Variants in PKD1L1 observed in about 807,000 individuals in gnomAD.
The protein encoded by PKD1L1 is polycystin-1-like protein 1.
In PKD1L1, 236 loss-of-function variants were observed where a neutral mutation model predicts 323.4. That is an observed-to-expected ratio of 0.73 (90% CI 0.66 to 0.81). The LOEUF (loss-of-function observed/expected upper bound fraction) is 0.81, where lower values mean the gene tolerates loss of function less well. Among genes scored for constraint, PKD1L1 ranks in the 40% least tolerant of loss-of-function variants. The pLI is 0.00. For missense variants in PKD1L1, 3,320 were observed against 3,508.0 expected (o/e 0.95, Z 1.35); for synonymous variants, 1,344 against 1,335.0 (o/e 1.01, Z -0.15).
chr7:47,904,824 TTTAA>T (rs1198471391), intron 11 of PKD1L1, among the ~76,000 whole-genome samples: 1 of 152,196 alleles, frequency 6.6e-6, no homozygotes, highest in African/African-American at 2.4e-5. Flanking sequence ...CTCTTCATTA[TTTAA>T]TTCATTTCTC....
In PKD1L1 at chr7:47,908,120, T is replaced by A; in HGVS notation, c.1359A>T (p.Glu453Asp). Residue 453 changes from glutamate to aspartate, a missense_variant, in exon 9 of 57, where the codon GAA (glutamate) becomes GAT (aspartate). By Grantham distance (45) the Glu-to-Asp change is conservative. Transcript: ENST00000289672. ...AGTCAGCAAAGACAAGCACTTCATC[T>A]TCATGGACACTGCTGGAGTTCATGA... The part of the protein sequence containing the change: ...SAFMNSSSVH[E>D]DEVLVFADSQ... 6.2e-7 allele frequency: 1 copy of A among 1,614,208 alleles called. No homozygotes were observed.
At chr7:47,907,190 T>C (rs1158960096) in intron 9 of PKD1L1, among the ~76,000 whole-genome samples, 1 of 152,220 alleles carries the variant, frequency 6.6e-6, no homozygotes, top group Admixed American at 6.5e-5. Context: ...AGTCTGATTA[T>C]AAACAGGTAC....
chr7:47,910,996 T>G, intron 8 of PKD1L1, among the ~76,000 whole-genome samples: 1 of 151,978 alleles, frequency 6.6e-6, no homozygotes, highest in Non-Finnish European at 1.5e-5. Context: ...AAGTTGACTT[T>G]AGACTTAACC....
chr7:47,875,281 G>C (rs1160316878), intron 23 of PKD1L1, among the ~76,000 whole-genome samples: 1 of 152,188 alleles, frequency 6.6e-6, no homozygotes, highest in Non-Finnish European at 1.5e-5. Flanking sequence ...GACAGGCAAA[G>C]TTTCATGAAG....
At chr7:47,931,063 T>A (rs770464747) in intron 6 of PKD1L1, 41 bp downstream of exon 6, 2 of 1,579,082 alleles carry the variant, frequency 1.3e-6, no homozygotes, top group African/African-American at 1.3e-5. Flanking sequence ...AGACTGGGGA[T>A]TGGAGAAGTG....
intron 9 of PKD1L1, among the ~76,000 whole-genome samples, chr7:47,906,620 T>C (rs181792222): frequency 3.4e-4 from 51 of 152,194 alleles, no homozygotes; most frequent in South Asian, 1.0e-3. Context: ...TCTAAGAAGA[T>C]TTAGAGCAAC....
At chr7:47,896,781 A>C (rs1786945665) in intron 14 of PKD1L1, among the ~76,000 whole-genome samples, 1 of 152,026 alleles carries the variant, frequency 6.6e-6, no homozygotes, top group Non-Finnish European at 1.5e-5. Context: ...TTAGCCACCC[A>C]TCAGGTCAGA....
chr7:47,803,359 C>G lies in PKD1L1; in HGVS notation c.7828-15G>C. The G allele has an allele frequency of 6.2e-7, 1 of 1,612,814 alleles. No homozygotes were observed. Among genetic ancestry groups the G allele is most frequent in the Admixed American group, 1.7e-5 (1 of 59,994 alleles). On this transcript the variant is annotated splice_polypyrimidine_tract_variant and intron_variant, in intron 52 of 56. Transcript: ENST00000289672. ...CATCGAGCCCTCTGAGACAGAAGAA[C>G]ATAACAGTCAGTGTGCCATGCCAGT...
intron 15 of PKD1L1, 43 bp from the exon 16 acceptor site, chr7:47,890,806 A>G: frequency 1.9e-6 from 3 of 1,570,062 alleles, no homozygotes; most frequent in African/African-American, 1.3e-5. Flanking sequence ...AGCATCAGGC[A>G]GAGTCAGGGA....
At chr7:47,790,995 C>T (rs995091001) in intron 56 of PKD1L1, among the ~76,000 whole-genome samples, 1 of 152,130 alleles carries the variant, frequency 6.6e-6, no homozygotes, top group Non-Finnish European at 1.5e-5. Context: ...CTTGGCCTCC[C>T]AGATGCTGGG....
At chr7:47,883,331 A>G (rs916618914) in intron 19 of PKD1L1, among the ~76,000 whole-genome samples, 1 of 152,206 alleles carries the variant, frequency 6.6e-6, no homozygotes, top group African/African-American at 2.4e-5. Flanking sequence ...TGACCAATCC[A>G]GAACCACCCC....
At chr7:47,931,696 C>T (rs998834726) in intron 5 of PKD1L1, among the ~76,000 whole-genome samples, 3 of 152,212 alleles carry the variant, frequency 2.0e-5, no homozygotes, top group African/African-American at 7.2e-5. Context: ...TGGGAGATGG[C>T]GCTCTTACAG....
At chr7:47,926,181 T>G (rs1180349524) in intron 7 of PKD1L1, among the ~76,000 whole-genome samples, 1 of 152,240 alleles carries the variant, frequency 6.6e-6, no homozygotes, top group Non-Finnish European at 1.5e-5. Flanking sequence ...CAATCTCTTC[T>G]CTCTGAAGGC....
At chr7:47,870,972 CA>C (rs200508432) in intron 24 of PKD1L1, among the ~76,000 whole-genome samples, 32 of 66,138 alleles carry the variant, frequency 4.8e-4, no homozygotes, top group Admixed American at 1.0e-3. Context: ...AACCTTGTCT[CA>C]AAAAAAAAAA....
intron 3 of PKD1L1, 113 bp downstream of exon 3, chr7:47,940,080 T>C (rs1787952365): frequency 7.2e-7 from 1 of 1,394,640 alleles, no homozygotes; most frequent in Non-Finnish European, 1.0e-6. Flanking sequence ...ACACACATGA[T>C]AGGAAAACAA....
chr7:47,916,432 A>G (rs962685482), intron 7 of PKD1L1, among the ~76,000 whole-genome samples: 2 of 152,230 alleles, frequency 1.3e-5, no homozygotes, highest in East Asian at 3.8e-4. Flanking sequence ...AATGGGAGGC[A>G]GGACTAGATT....
At chr7:47,871,463 G>C (rs1583635683) in intron 24 of PKD1L1, among the ~76,000 whole-genome samples, 1 of 152,150 alleles carries the variant, frequency 6.6e-6, no homozygotes, top group Admixed American at 6.5e-5. Context: ...AGAAGGGACA[G>C]AACGACCAAA....
At position 47,814,228 on chromosome 7, in the gene PKD1L1, C is replaced by T. The variant is rs143712885; in HGVS notation, c.7090-214G>A. Among the ~76,000 whole-genome samples the T allele has an allele frequency of 1.7e-3, 259 of 152,290 alleles. 3 individuals are homozygous for T. The highest frequency in any genetic ancestry group is 5.8e-3 in the African/African-American group (241 of 41,550). ...CAGACTTGTCCTGGAAAAGGGTTAACGTTCAAATGGTGTTCGTAACTTTCG... is the reference window on the plus strand; with the variant it reads ...CAGACTTGTCCTGGAAAAGGGTTAATGTTCAAATGGTGTTCGTAACTTTCG... On this transcript the variant is annotated intron_variant, in intron 47 of 56. Coordinates refer to ENST00000289672, the MANE Select transcript of PKD1L1 (RefSeq NM_138295.5).
rs1490293513 is a variant in PKD1L1, at chr7:47,857,682, T to C, written c.4513A>G (p.Thr1505Ala). The change falls in exon 28 of 57, where the codon ACA (threonine) becomes GCA (alanine). Residue 1505 changes from threonine to alanine, a missense_variant. Thr to Ala is a moderately conservative substitution (Grantham distance 58, BLOSUM62 0). Transcript: ENST00000289672. ...TGGCTAATGTAGCATGGGCTCTGTG[T>C]CTCCGCCCCAGCAGGACTGTGCCCA... ...LAGHSPAGAE[T>A]QSPCYISQLI... is the part of the protein sequence containing the mutation. 5 of 1,614,012 alleles carry C rather than the reference T, an allele frequency of 3.1e-6. No homozygotes were observed. Among genetic ancestry groups the C allele is most frequent in the Non-Finnish European group, 4.2e-6 (5 of 1,180,046 alleles).
Sources: gnomAD v4.1 joint callset for allele counts (sites outside exome capture counted in the v4.1 genomes callset) on GRCh38, gnomAD v4.1.1 for gene constraint, MANE v1.5 for transcripts, NCBI Gene and HGNC (gene_info 2026-07-23, HGNC 2026-07-21) for gene names.